GABBR2: variants seen among roughly 807,000 people sequenced by gnomAD.
The protein encoded by GABBR2 is G-protein coupled receptor 51.
GABBR2 carries 23 observed loss-of-function variants against 105.6 expected under a neutral mutation model. The observed-to-expected ratio is 0.22, with a 90% CI of 0.16 to 0.31. The LOEUF is 0.31. Ranked by LOEUF, GABBR2 falls within the 10% of genes least tolerant of loss-of-function variation. The probability of loss-of-function intolerance (pLI) is 1.00; values close to 1 mark genes in which losing one functional copy is unlikely to be tolerated. For synonymous variants in GABBR2, 478 were observed against 499.7 expected, an observed-to-expected ratio of 0.96 and a Z score of 0.58; for missense variants, 734 against 1,245.5, an observed-to-expected ratio of 0.59 and a Z score of 6.18.
chr9:98,425,848 G>A (rs1011623344), intron 7 of GABBR2, among the ~76,000 whole-genome samples: 1 of 152,228 alleles, frequency 6.6e-6, no homozygotes, highest in East Asian at 1.9e-4. Flanking sequence ...CCCCGGGTTG[G>A]CTGTAGGCCT....
intron 7 of GABBR2, among the ~76,000 whole-genome samples, chr9:98,427,582 C>A (rs1825721094): frequency 6.6e-6 from 1 of 152,214 alleles, no homozygotes; most frequent in Non-Finnish European, 1.5e-5. Flanking sequence ...TTCCATCATC[C>A]CCTTCCACAT....
At chr9:98,702,550 C>G (rs337560) in intron 1 of GABBR2, among the ~76,000 whole-genome samples, 141,442 of 152,222 alleles carry the variant, frequency 0.93, 65,877 homozygotes, top group African/African-American at 0.98. Flanking sequence ...ATTAAAGTCC[C>G]ACCTTCCGGA....
chr9:98,610,293 A>C (rs2131812980), intron 1 of GABBR2, among the ~76,000 whole-genome samples: 1 of 152,304 alleles, frequency 6.6e-6, no homozygotes, highest in South Asian at 2.1e-4. Context: ...ATGAGGTTTA[A>C]AATGAGTCAA....
At chr9:98,605,557 T>C (rs1031398233) in intron 1 of GABBR2, among the ~76,000 whole-genome samples, 2 of 152,236 alleles carry the variant, frequency 1.3e-5, no homozygotes, top group African/African-American at 4.8e-5. Flanking sequence ...CTTTTCTTAA[T>C]GGATCTTCTA....
chr9:98,299,320 G>T lies in GABBR2; in HGVS notation c.2446C>A (p.Leu816Met). The T allele has an allele frequency of 6.2e-7, 1 of 1,613,732 alleles. No homozygotes were observed. The highest frequency in any genetic ancestry group is 8.5e-7 in the Non-Finnish European group (1 of 1,179,674). ...GTGGTCTTTTCTGGTGTGTCCTGCA[G>T]CTGCATGGTGACCTCTTCCAAGTCT... ...DKDLEEVTMQ[L>M]QDTPEKTTYI... The change falls in exon 17 of 19, where the codon CTG (leucine) becomes ATG (methionine). Residue 816 changes from leucine (L) to methionine (M), a missense_variant. This residue lies in a region of GABBR2 where 134 missense variants were observed against 171.2 expected (regional missense o/e 0.78). Transcript: ENST00000259455.
chr9:98,321,988 G>A (rs1830830552), intron 13 of GABBR2, among the ~76,000 whole-genome samples: 1 of 151,926 alleles, frequency 6.6e-6, no homozygotes, highest in Admixed American at 6.6e-5. Context: ...CCTTCAGCAA[G>A]CTTCTTGAAA....
chr9:98,689,119 T>C (rs1042142325), intron 1 of GABBR2, among the ~76,000 whole-genome samples: 2 of 152,180 alleles, frequency 1.3e-5, no homozygotes, highest in Non-Finnish European at 2.9e-5. Context: ...GCCTCAGTTT[T>C]CTCATGTGTA....
chr9:98,335,486 C>T (rs3780435), intron 13 of GABBR2, among the ~76,000 whole-genome samples: 67,301 of 151,930 alleles, frequency 0.44, 15,032 homozygotes, highest in African/African-American at 0.48. Flanking sequence ...ATCTCAACTC[C>T]GGCTGCACAC....
chr9:98,551,617 G>C (rs1041685255), intron 2 of GABBR2, among the ~76,000 whole-genome samples: 2 of 152,180 alleles, frequency 1.3e-5, no homozygotes, highest in African/African-American at 4.8e-5. Context: ...GGTGGGAAGA[G>C]AGCCATGAGC....
At chr9:98,661,873 G>A (rs182704663) in intron 1 of GABBR2, among the ~76,000 whole-genome samples, 16 of 152,268 alleles carry the variant, frequency 1.1e-4, no homozygotes, top group African/African-American at 3.1e-4. Flanking sequence ...CAGAGCAGCC[G>A]GCATCCAGTG....
intron 9 of GABBR2, among the ~76,000 whole-genome samples, chr9:98,390,375 C>CAAAAAAGAAAAAAAAAA (rs1832157760): frequency 3.1e-5 from 1 of 32,438 alleles, no homozygotes; most frequent in African/African-American, 1.0e-4. Context: ...CTCCATCTCA[C>CAAAAAAGAAAAAAAAAA]AAAAAAAAAA....
At chr9:98,694,719 A>G (rs1241688609) in intron 1 of GABBR2, among the ~76,000 whole-genome samples, 4 of 152,204 alleles carry the variant, frequency 2.6e-5, no homozygotes, top group African/African-American at 9.6e-5. Context: ...AAGCCCTTTC[A>G]CATTAATCTT....
intron 4 of GABBR2, among the ~76,000 whole-genome samples, chr9:98,486,871 T>A (rs1378611998): frequency 6.6e-6 from 1 of 152,094 alleles, no homozygotes; most frequent in Non-Finnish European, 1.5e-5. Flanking sequence ...GACAAACTGA[T>A]CCCATACCCA....
chr9:98,522,332 T>C (rs149320333), intron 3 of GABBR2, among the ~76,000 whole-genome samples: 4,294 of 152,156 alleles, frequency 0.028, 94 homozygotes, highest in Middle Eastern at 0.051. Flanking sequence ...ATTAAAGATA[T>C]AATAAAAGAA....
At chr9:98,673,131 C>T (rs1830425885) in intron 1 of GABBR2, among the ~76,000 whole-genome samples, 1 of 152,180 alleles carries the variant, frequency 6.6e-6, no homozygotes, top group African/African-American at 2.4e-5. Context: ...TCCACAAGAA[C>T]TTATTCCTTT....
At chr9:98,634,850 T>C (rs1427466183) in intron 1 of GABBR2, among the ~76,000 whole-genome samples, 3 of 152,174 alleles carry the variant, frequency 2.0e-5, no homozygotes, top group Admixed American at 6.5e-5. Context: ...TCTCCCCCTC[T>C]GTCACGCCTC....
chr9:98,473,385 G>T, intron 5 of GABBR2, 39 bp from the exon 6 acceptor site: 1 of 1,393,484 alleles, frequency 7.2e-7, no homozygotes, highest in Non-Finnish European at 1.0e-6. Flanking sequence ...ATTGAGAGTC[G>T]CACAGTTCAA....
chr9:98,327,112 G>T (rs1425975502), intron 13 of GABBR2, among the ~76,000 whole-genome samples: 1 of 152,216 alleles, frequency 6.6e-6, no homozygotes, highest in East Asian at 1.9e-4. Flanking sequence ...CAGATTTTAT[G>T]CCTGAGTAAA....
chr9:98,615,581 A>G (rs1829571169), intron 1 of GABBR2, among the ~76,000 whole-genome samples: 1 of 152,206 alleles, frequency 6.6e-6, no homozygotes, highest in Non-Finnish European at 1.5e-5. Flanking sequence ...GAAGAGTCCA[A>G]CAATACAGTC....
Sources: allele counts gnomAD v4.1 joint callset (sites outside exome capture counted in the v4.1 genomes callset), GRCh38; gene constraint gnomAD v4.1.1; regional missense constraint gnomAD v4.1.1; transcripts MANE v1.5; gene names NCBI Gene and HGNC (gene_info 2026-07-23, HGNC 2026-07-21).